The following KRIT1 variants were observed in gnomAD, a reference collection of about 807,000 sequenced individuals.
KRIT1 encodes the protein krev interaction trapped protein 1.
In KRIT1, 45 loss-of-function variants were observed where a neutral mutation model predicts 95.8. The observed-to-expected ratio is 0.47, with a 90% CI of 0.37 to 0.60. The LOEUF is 0.60. KRIT1 is among the 20% of genes least tolerant of loss of function. KRIT1 has a pLI of 0.00. For missense variants in KRIT1, 788 were observed against 877.5 expected (o/e 0.90, Z 1.29); for synonymous variants, 282 against 278.8 (o/e 1.01, Z -0.11).
intron 17 of KRIT1, chr7:92,206,415 C>G (rs985838200): frequency 6.6e-6 from 1 of 152,398 alleles, no homozygotes; most frequent in African/African-American, 2.4e-5. Flanking sequence ...AAGCCTACTA[C>G]AGCCTTCATT....
At chr7:92,235,788 T>C in intron 7 of KRIT1, 142 bp from the exon 8 acceptor site, 1 of 724,844 alleles carries the variant, frequency 1.4e-6, no homozygotes, top group Non-Finnish European at 2.2e-6. Flanking sequence ...AGTTAAGTAC[T>C]TTATTATTTT....
At chr7:92,212,466 G>A (rs1020782606) in intron 17 of KRIT1, among the ~76,000 whole-genome samples, 9 of 152,248 alleles carry the variant, frequency 5.9e-5, no homozygotes, top group African/African-American at 1.9e-4. Flanking sequence ...TAGAGCCTTT[G>A]AGAAGTAATT....
chr7:92,243,228 A>G (rs1034522203), intron 3 of KRIT1, among the ~76,000 whole-genome samples: 1 of 152,180 alleles, frequency 6.6e-6, no homozygotes, highest in Non-Finnish European at 1.5e-5. Flanking sequence ...GCAATTTCCA[A>G]CAAGTGACTG....
At chr7:92,211,619 A>T (rs1421109593) in intron 17 of KRIT1, among the ~76,000 whole-genome samples, 1 of 152,186 alleles carries the variant, frequency 6.6e-6, no homozygotes, top group Non-Finnish European at 1.5e-5. Context: ...GACTATAGTT[A>T]ATAATTTATT....
intron 14 of KRIT1, among the ~76,000 whole-genome samples, chr7:92,218,627 A>G (rs1346657709): frequency 6.6e-6 from 1 of 152,010 alleles, no homozygotes; most frequent in Non-Finnish European, 1.5e-5. Flanking sequence ...TGATCCTCCC[A>G]TCTCAGCCTC....
chr7:92,201,274 T>C (rs753027728), intron 18 of KRIT1, 33 bp downstream of exon 18: 1 of 974,680 alleles, frequency 1.0e-6, no homozygotes, highest in South Asian at 1.3e-5. Flanking sequence ...ACTAACACAA[T>C]AGTTTATGAA....
chr7:92,231,952 G>C (rs1047226214), intron 10 of KRIT1, among the ~76,000 whole-genome samples: 4 of 151,886 alleles, frequency 2.6e-5, no homozygotes, highest in Non-Finnish European at 5.9e-5. Context: ...TATTTTTTGA[G>C]ATGTAGTCTC....
chr7:92,221,744 G>C (rs372976328), intron 14 of KRIT1, among the ~76,000 whole-genome samples, 158 bp downstream of exon 14: 2 of 152,098 alleles, frequency 1.3e-5, no homozygotes, highest in African/African-American at 2.4e-5. Flanking sequence ...TCCCAACCAA[G>C]GGCTTTGTAA....
In KRIT1 at chr7:92,209,980, G is replaced by A. The variant is rs1277189875; in HGVS notation, c.2025+3215C>T. On this transcript the variant is annotated intron_variant, in intron 17 of 18. Transcript: ENST00000394505. ...CCCAGCTACTTGGGAGGCCGAGGCAGGAAAACTGCTTGAACCCAAGAGGTA... is the reference window on the plus strand; with the variant it reads ...CCCAGCTACTTGGGAGGCCGAGGCAAGAAAACTGCTTGAACCCAAGAGGTA... Among the ~76,000 whole-genome samples the A allele has an allele frequency of 4.5e-4, 69 of 152,268 alleles. 1 individual carries two copies. Among genetic ancestry groups the A allele is most frequent in the Non-Finnish European group, 1.3e-4 (9 of 68,006 alleles).
At chr7:92,223,840 T>C (rs1795666317) in intron 12 of KRIT1, among the ~76,000 whole-genome samples, 1 of 152,210 alleles carries the variant, frequency 6.6e-6, no homozygotes, top group Admixed American at 6.5e-5. Context: ...AATGGATTTT[T>C]ATTGTTATAG....
chr7:92,244,308 T>C (rs1406050159), intron 2 of KRIT1, among the ~76,000 whole-genome samples, 159 bp from the exon 3 acceptor site: 1 of 152,200 alleles, frequency 6.6e-6, no homozygotes, highest in Admixed American at 6.5e-5. Context: ...CCTGTCTTGG[T>C]CAACTCATGT....
Position 92,222,907 on chromosome 7 carries a change from G to T in KRIT1, c.1326C>A (p.Thr442=). 1 of 1,601,874 alleles carries T rather than the reference G, an allele frequency of 6.2e-7. No homozygotes were observed. The highest frequency in any genetic ancestry group is 1.3e-5 in the African/African-American group (1 of 74,722). The stretch of plus-strand genomic sequence containing the variant: ...TTCCTTCCATTATCTGCTGCACTGT[G>T]GTATTATTTCCATGCTTCAATTCAA... ...RSVELKHGNN[T]TVQQIMEGMR... The change falls in exon 13 of 19, where the codon ACC becomes ACA. Residue 442 remains threonine, a synonymous_variant. Transcript: ENST00000394505.
chr7:92,235,880 T>C (rs773653379), intron 7 of KRIT1: 2 of 411,828 alleles, frequency 4.9e-6, no homozygotes, highest in Non-Finnish European at 8.9e-6. Flanking sequence ...GCACATGTGA[T>C]AATATGTTCA....
intron 3 of KRIT1, among the ~76,000 whole-genome samples, chr7:92,243,472 T>G (rs1345936753): frequency 2.0e-5 from 3 of 152,204 alleles, no homozygotes; most frequent in Non-Finnish European, 4.4e-5. Flanking sequence ...TAAAATTACC[T>G]GTTCATATTT....
In KRIT1 at chr7:92,222,961, T is replaced by C; in HGVS notation, c.1272A>G (p.Ile424Met). 6.2e-7 allele frequency: 1 copy of C among 1,609,388 alleles called. No individual in the cohort carries two copies. Residue 424 changes from isoleucine to methionine, a missense_variant, in exon 13 of 19, where the codon ATA becomes ATG. By Grantham distance (10) the Ile-to-Met change is conservative (BLOSUM62 1). Around this residue, in one of 3 missense-constraint regions of KRIT1, gnomAD observed 493 missense variants for 582.3 expected, o/e 0.85. Coordinates refer to ENST00000394505, the MANE Select transcript of KRIT1 (RefSeq NM_194454.3). ...AINKPYEKVR[I>M]YRMDGSYRSV... is the part of the protein sequence containing the mutation. Reference sequence around the variant, plus strand: ...AACGATATGACCCATCCATTCTGTATATTCGAACTTTTTCATACTACAAGA... The same window carrying C: ...AACGATATGACCCATCCATTCTGTACATTCGAACTTTTTCATACTACAAGA...
At chr7:92,232,178 T>C (rs909034782) in intron 10 of KRIT1, among the ~76,000 whole-genome samples, 2 of 152,208 alleles carry the variant, frequency 1.3e-5, no homozygotes, top group African/African-American at 4.8e-5. Context: ...TCTGCCCTTC[T>C]TGGCCTTCCA....
At chr7:92,216,948 T>C (rs955659351) in intron 14 of KRIT1, among the ~76,000 whole-genome samples, 1 of 152,220 alleles carries the variant, frequency 6.6e-6, no homozygotes, top group African/African-American at 2.4e-5. Flanking sequence ...AGGATGATGC[T>C]AAACAGTAAG....
intron 4 of KRIT1, 99 bp from the exon 5 acceptor site, chr7:92,241,251 T>C (rs1799573903): frequency 2.3e-6 from 2 of 884,240 alleles, no homozygotes; most frequent in African/African-American, 1.7e-5. Context: ...TAGCTGCATA[T>C]TAGAATAATT....
chr7:92,222,118 CTT>C (rs1250790080), intron 13 of KRIT1, 65 bp from the exon 14 acceptor site: 10 of 1,249,418 alleles, frequency 8.0e-6, no homozygotes, highest in African/African-American at 3.0e-5. Flanking sequence ...TGCATAGAAA[CTT>C]TGTATTAAAC....
Sources: allele counts gnomAD v4.1 joint callset (sites outside exome capture counted in the v4.1 genomes callset), GRCh38; gene constraint gnomAD v4.1.1; regional missense constraint gnomAD v4.1.1; transcripts MANE v1.5; gene names NCBI Gene and HGNC (gene_info 2026-07-23, HGNC 2026-07-21).